Variants in SLC30A10 observed in about 807,000 individuals in gnomAD.
The protein encoded by SLC30A10 is solute carrier family 30 member 10.
Under a neutral mutation model 21.7 loss-of-function variants are expected in SLC30A10, and 8 were observed. The observed-to-expected ratio is 0.37, with a 90% confidence interval of 0.22 to 0.67. The LOEUF (loss-of-function observed/expected upper bound fraction) is 0.67. SLC30A10 is among the 30% of genes least tolerant of loss of function. The pLI, the probability that SLC30A10 is intolerant of heterozygous loss-of-function variation, is 0.58. For missense variants in SLC30A10, 521 were observed against 642.5 expected (o/e 0.81, Z 2.04); for synonymous variants, 272 against 279.4 (o/e 0.97, Z 0.26).
rs1160536219 is a variant in SLC30A10, at chr1:219,910,840, G to A, written c.*4609C>T. ...AAGTTCCATGTAAACAAAAAGGTACGAAATAAAACACATGAAAAGAGAAGC... is the reference window on the plus strand; with the variant it reads ...AAGTTCCATGTAAACAAAAAGGTACAAAATAAAACACATGAAAAGAGAAGC... On this transcript the variant is annotated 3_prime_UTR_variant, in exon 4 of 4. Transcript: ENST00000366926. 5.9e-5 allele frequency among the ~76,000 whole-genome samples: 9 copies of A among 152,162 alleles called. No homozygotes were observed. The highest frequency in any genetic ancestry group is 1.0e-4 in the Non-Finnish European group (7 of 68,022).
At chr1:219,952,634 T>C (rs529187057) in intron 1 of SLC30A10, among the ~76,000 whole-genome samples, 1 of 152,336 alleles carries the variant, frequency 6.6e-6, no homozygotes, top group East Asian at 1.9e-4. Flanking sequence ...GTATTCTCTC[T>C]AGCTAATTAT....
chr1:219,950,685 C>T (rs187048601), intron 1 of SLC30A10, among the ~76,000 whole-genome samples: 78 of 152,186 alleles, frequency 5.1e-4, no homozygotes, highest in Admixed American at 3.5e-3. Flanking sequence ...CGTGTTGGCT[C>T]ATGCCCATGA....
rs1659440737 is a variant in SLC30A10, at chr1:219,912,645, TA to T, written c.*2803del. On this transcript the variant is annotated 3_prime_UTR_variant, in exon 4 of 4. Transcript: ENST00000366926. ...GTCAGGAGATCGAGACCATCCTGGC[TA>T]ACATGGTGAAACCCGGTCTCTACTA... Among the ~76,000 whole-genome samples the T allele has an allele frequency of 6.6e-6, 1 of 152,052 alleles. No homozygotes were observed. The highest frequency in any genetic ancestry group is 1.5e-5 in the Non-Finnish European group (1 of 67,998).
At chr1:219,936,921 T>C (rs895002640) in intron 1 of SLC30A10, among the ~76,000 whole-genome samples, 5 of 152,234 alleles carry the variant, frequency 3.3e-5, no homozygotes, top group Non-Finnish European at 7.3e-5. Context: ...TATATTCAAA[T>C]TGATTTGATG....
intron 1 of SLC30A10, among the ~76,000 whole-genome samples, chr1:219,958,241 C>A (rs1397131597): frequency 6.6e-6 from 1 of 152,082 alleles, no homozygotes; most frequent in Non-Finnish European, 1.5e-5. Flanking sequence ...AAGAAGACTG[C>A]CACATCCACC....
At chr1:219,956,346 A>C (rs1238240853) in intron 1 of SLC30A10, among the ~76,000 whole-genome samples, 2 of 152,160 alleles carry the variant, frequency 1.3e-5, no homozygotes, top group African/African-American at 4.8e-5. Flanking sequence ...AAAATTTCTA[A>C]TAGAAGAATT....
chr1:219,912,801 T>C lies in SLC30A10; in HGVS notation c.*2648A>G, dbSNP rs1659444638. The stretch of plus-strand genomic sequence containing the variant: ...GTGAGCCGAGATAGCACCACTGCAC[T>C]CCAGCCTGGGCGACAGAGCAAGACT... On this transcript the variant is annotated 3_prime_UTR_variant, in exon 4 of 4. Transcript: ENST00000366926. Among the ~76,000 whole-genome samples, 2 of 151,994 alleles carry C rather than the reference T, an allele frequency of 1.3e-5. No individual in the cohort carries two copies. The highest frequency in any genetic ancestry group is 4.2e-4 in the South Asian group (2 of 4,806).
intron 1 of SLC30A10, among the ~76,000 whole-genome samples, chr1:219,936,409 G>A (rs576296154): frequency 1.3e-5 from 2 of 152,282 alleles, no homozygotes; most frequent in East Asian, 1.9e-4. Context: ...GTCAGCTTAA[G>A]CTTCAGATTG....
chr1:219,926,913 T>C, intron 2 of SLC30A10, 115 bp downstream of exon 2: 2 of 759,082 alleles, frequency 2.6e-6, no homozygotes, highest in South Asian at 3.3e-5. Context: ...TCTATGCATG[T>C]AACTGGCCTA....
At chr1:219,949,753 TAATAAAATAA>T (rs915738125) in intron 1 of SLC30A10, among the ~76,000 whole-genome samples, 3 of 150,326 alleles carry the variant, frequency 2.0e-5, no homozygotes, top group Admixed American at 1.3e-4. Flanking sequence ...AGTATAATAA[TAATAAAATAA>T]AATAAAATAA....
At chr1:219,920,019 C>T (rs1659641287) in intron 2 of SLC30A10, among the ~76,000 whole-genome samples, 1 of 152,052 alleles carries the variant, frequency 6.6e-6, no homozygotes, top group Non-Finnish European at 1.5e-5. Flanking sequence ...AACAACTCCA[C>T]AATTCTAAAT....
rs1399875388 is a variant in SLC30A10, at chr1:219,928,336, G to A, written c.105C>T (p.Ile35=). 2.5e-6 allele frequency: 4 copies of A among 1,612,886 alleles called. No individual in the cohort carries two copies. In the Admixed American group the frequency reaches 5.0e-5, roughly 20 times the overall value. ...TGTTGAAGGAGTCGGAGAGCAGCGC[G>A]ATGGAGTTGCCCAGGTAGCCGGAGA... ...ELVSGYLGNS[I]ALLSDSFNML... is the part of the protein sequence containing the mutation. The change falls in exon 1 of 4, where the codon ATC becomes ATT. Residue 35 remains isoleucine (I), a synonymous_variant. Transcript: ENST00000366926. The surrounding 1 kb of genome is among the most constrained non-coding windows in gnomAD (Gnocchi z 6.3).
At chr1:219,958,370 G>C (rs969183271) in intron 1 of SLC30A10, among the ~76,000 whole-genome samples, 6 of 152,048 alleles carry the variant, frequency 3.9e-5, no homozygotes, top group African/African-American at 1.2e-4. Flanking sequence ...CAACATTGAA[G>C]CAAACTGCTG....
intron 2 of SLC30A10, among the ~76,000 whole-genome samples, chr1:219,924,444 G>A (rs1659767977): frequency 6.6e-6 from 1 of 152,192 alleles, no homozygotes; most frequent in African/African-American, 2.4e-5. Flanking sequence ...AAAGGTTGAA[G>A]TCCAATTTCC....
At chr1:219,946,058 C>G (rs1183259209) in intron 1 of SLC30A10, among the ~76,000 whole-genome samples, 2 of 152,122 alleles carry the variant, frequency 1.3e-5, no homozygotes, top group African/African-American at 4.8e-5. Flanking sequence ...GTTTTGATTT[C>G]TTTGGCTATT....
intron 1 of SLC30A10, among the ~76,000 whole-genome samples, chr1:219,939,158 T>C (rs187578722): frequency 1.6e-4 from 25 of 152,184 alleles, no homozygotes; most frequent in African/African-American, 6.0e-4. Flanking sequence ...CTAAATACTC[T>C]TAAAAGGGGG....
At chr1:219,916,641 C>T (rs1356850786) in intron 3 of SLC30A10, among the ~76,000 whole-genome samples, 1 of 152,152 alleles carries the variant, frequency 6.6e-6, no homozygotes, top group Non-Finnish European at 1.5e-5. Flanking sequence ...TCTATTATCT[C>T]ATTTAGGCTC....
chr1:219,939,589 C>G (rs111577768), intron 1 of SLC30A10, among the ~76,000 whole-genome samples: 2 of 151,922 alleles, frequency 1.3e-5, no homozygotes, highest in African/African-American at 2.4e-5. Context: ...GCCACTGCGC[C>G]CAGCTGATTT....
intron 1 of SLC30A10, among the ~76,000 whole-genome samples, chr1:219,952,331 G>T (rs1023485117): frequency 2.6e-5 from 4 of 152,182 alleles, no homozygotes; most frequent in Non-Finnish European, 5.9e-5. Context: ...AGAAACTGAG[G>T]TTTAGAAAGT....
Sources: gnomAD v4.1 joint callset for allele counts (sites outside exome capture counted in the v4.1 genomes callset) on GRCh38, gnomAD v4.1.1 for gene constraint, Gnocchi (gnomAD v3.1) non-coding constraint, MANE v1.5 for transcripts, NCBI Gene and HGNC (gene_info 2026-07-23, HGNC 2026-07-21) for gene names.